The following DTNA variants were observed in gnomAD, a reference collection of about 807,000 sequenced individuals.
DTNA encodes dystrobrevin alpha, also known as dystrophin-related protein 3.
Under a neutral mutation model 100.7 loss-of-function variants are expected in DTNA, and 43 were observed. That is an observed-to-expected ratio of 0.43 (90% confidence interval 0.33 to 0.55). The LOEUF is 0.55. Among genes scored for constraint, DTNA ranks in the 20% least tolerant of loss-of-function variants. The probability of loss-of-function intolerance (pLI) is 0.04; values close to 1 mark genes in which losing one functional copy is unlikely to be tolerated. For synonymous variants in DTNA, 349 were observed against 347.9 expected (o/e 1.00, Z -0.04); for missense variants, 798 against 953.9 (o/e 0.84, Z 2.15).
chr18:34,688,112 C>T (rs1424968103), intron 1 of DTNA, among the ~76,000 whole-genome samples: 1 of 152,078 alleles, frequency 6.6e-6, no homozygotes, highest in East Asian at 1.9e-4. Flanking sequence ...CAGTCTGTGC[C>T]TTTTCATTGG....
chr18:34,595,854 T>C (rs1041904431), intron 1 of DTNA, among the ~76,000 whole-genome samples: 3 of 152,198 alleles, frequency 2.0e-5, no homozygotes, highest in Non-Finnish European at 4.4e-5. Flanking sequence ...TTAGACAAAG[T>C]ACAACTCCTG....
intron 1 of DTNA, among the ~76,000 whole-genome samples, chr18:34,721,403 C>A (rs992485100): frequency 1.3e-5 from 2 of 152,136 alleles, no homozygotes; most frequent in Non-Finnish European, 2.9e-5. Context: ...TTGTACTCCT[C>A]CAGAGCAATC....
At chr18:34,712,545 A>G (rs2083111515) in intron 1 of DTNA, among the ~76,000 whole-genome samples, 2 of 152,148 alleles carry the variant, frequency 1.3e-5, no homozygotes, top group Admixed American at 6.5e-5. Flanking sequence ...TATGTACACA[A>G]AAACTTCTGA....
intron 14 of DTNA, among the ~76,000 whole-genome samples, chr18:34,850,575 G>A (rs767506760): frequency 3.9e-5 from 6 of 152,150 alleles, no homozygotes; most frequent in African/African-American, 7.2e-5. Flanking sequence ...TAAAAAGCAG[G>A]ACAAGATTCT....
chr18:34,538,373 A>T (rs1393299237), intron 1 of DTNA, among the ~76,000 whole-genome samples: 1 of 152,044 alleles, frequency 6.6e-6, no homozygotes, highest in Admixed American at 6.6e-5. Context: ...AGACCATGCA[A>T]TCACAGATTT....
At chr18:34,870,751 C>T (rs189453848) in intron 17 of DTNA, among the ~76,000 whole-genome samples, 9 of 152,188 alleles carry the variant, frequency 5.9e-5, no homozygotes, top group Admixed American at 5.9e-4. Flanking sequence ...CTCCACAATA[C>T]GTGTCACATT....
intron 1 of DTNA, among the ~76,000 whole-genome samples, chr18:34,546,238 G>A (rs1201255837): frequency 6.6e-6 from 1 of 151,972 alleles, no homozygotes; most frequent in Non-Finnish European, 1.5e-5. Flanking sequence ...TTCTCATATT[G>A]TCATACTCCC....
chr18:34,637,997 C>T (rs973894684), intron 1 of DTNA, among the ~76,000 whole-genome samples: 5 of 152,134 alleles, frequency 3.3e-5, no homozygotes, highest in African/African-American at 7.2e-5. Flanking sequence ...TGAGGCTTGT[C>T]CATTGTCAGA....
intron 7 of DTNA, among the ~76,000 whole-genome samples, chr18:34,817,273 ATCTTCATTTAT>A (rs561155896): frequency 4.6e-5 from 7 of 152,264 alleles, no homozygotes; most frequent in African/African-American, 1.4e-4. Flanking sequence ...TTTGCTTTTT[ATCTTCATTTAT>A]TATTATTTTC....
intron 3 of DTNA, among the ~76,000 whole-genome samples, chr18:34,766,756 T>C (rs1320450688): frequency 2.0e-5 from 3 of 152,238 alleles, no homozygotes; most frequent in Admixed American, 2.0e-4. Context: ...TATTTTCTTT[T>C]ACAAGCACAG....
intron 21 of DTNA, 91 bp downstream of exon 21, chr18:34,882,292 T>C (rs2096880526): frequency 2.0e-6 from 3 of 1,533,416 alleles, no homozygotes; most frequent in South Asian, 1.2e-5. Context: ...ATCAGAGCCT[T>C]CTTCCTTCCA....
At chr18:34,518,468 C>G (rs2041860769) in intron 1 of DTNA, among the ~76,000 whole-genome samples, 1 of 151,812 alleles carries the variant, frequency 6.6e-6, no homozygotes, top group Non-Finnish European at 1.5e-5. Flanking sequence ...TAATGGTTTG[C>G]AGTTTTGGTA....
At chr18:34,820,703 T>C in intron 8 of DTNA, 88 bp from the exon 9 acceptor site, 1 of 1,590,654 alleles carries the variant, frequency 6.3e-7, no homozygotes, top group Non-Finnish European at 8.6e-7. Context: ...CTTCCGTAAA[T>C]GAATATCTAT....
chr18:34,553,033 G>A (rs1337226171), intron 1 of DTNA, among the ~76,000 whole-genome samples: 11 of 151,168 alleles, frequency 7.3e-5, no homozygotes, highest in Admixed American at 7.2e-4. Flanking sequence ...ATCCTCCCCA[G>A]CACCTGTTGT....
intron 1 of DTNA, among the ~76,000 whole-genome samples, chr18:34,666,724 A>G (rs891952781): frequency 1.3e-5 from 2 of 152,192 alleles, no homozygotes; most frequent in Non-Finnish European, 2.9e-5. Context: ...CAAAGATCAG[A>G]TGGTTGTAGA....
intron 1 of DTNA, among the ~76,000 whole-genome samples, chr18:34,733,102 G>A (rs2088697674): frequency 6.6e-6 from 1 of 152,176 alleles, no homozygotes; most frequent in Non-Finnish European, 1.5e-5. Flanking sequence ...TTTCCCCAGT[G>A]CACAGTTACC....
intron 1 of DTNA, among the ~76,000 whole-genome samples, chr18:34,567,159 C>G (rs372073151): frequency 6.6e-6 from 1 of 152,100 alleles, no homozygotes; most frequent in African/African-American, 2.4e-5. Flanking sequence ...TATGTTCAAG[C>G]GTGCTTGCGT....
rs16966047 is a variant in DTNA at position 34,830,773 on chromosome 18, G to A, written c.1175+1284G>A. Among the ~76,000 whole-genome samples, 921 of 152,242 alleles carry A rather than the reference G, an allele frequency of 6.0e-3. 14 individuals are homozygous for A. Among genetic ancestry groups the A allele is most frequent in the African/African-American group, 0.021 (872 of 41,514 alleles). The stretch of plus-strand genomic sequence containing the variant: ...GGTCATATAACATAATTGATGGACC[G>A]ATTCACTTCATTCATTTTCTTGATT... On this transcript the variant is annotated intron_variant, in intron 11 of 22. Transcript: ENST00000444659.
At chr18:34,790,023 G>T (rs1266038154) in intron 3 of DTNA, among the ~76,000 whole-genome samples, 1 of 152,206 alleles carries the variant, frequency 6.6e-6, no homozygotes, top group Non-Finnish European at 1.5e-5. Flanking sequence ...ATTCAAACCA[G>T]TGTCTCTGTG....
Sources: gnomAD v4.1 joint callset for allele counts (sites outside exome capture counted in the v4.1 genomes callset) on GRCh38, gnomAD v4.1.1 for gene constraint, MANE v1.5 for transcripts, NCBI Gene and HGNC (gene_info 2026-07-23, HGNC 2026-07-21) for gene names.